CSMD3: variants seen among roughly 807,000 people sequenced by gnomAD.
CSMD3 encodes the protein CUB and sushi domain-containing protein 3.
CSMD3 carries 177 observed loss-of-function variants against 435.2 expected under a neutral mutation model. The observed-to-expected ratio is 0.41, with a 90% CI of 0.36 to 0.46. The LOEUF (loss-of-function observed/expected upper bound fraction) is 0.46, where lower values mean the gene tolerates loss of function less well. Among genes scored for constraint, CSMD3 ranks in the 20% least tolerant of loss-of-function variants. CSMD3 has a pLI of 0.34. For synonymous variants in CSMD3, 1,656 were observed against 1,520.5 expected, an observed-to-expected ratio of 1.09 and a Z score of -2.07; for missense variants, 4,265 against 4,504.6, an observed-to-expected ratio of 0.95 and a Z score of 1.52.
At chr8:113,118,195 T>C (rs1564335370) in intron 4 of CSMD3, among the ~76,000 whole-genome samples, 1 of 152,244 alleles carries the variant, frequency 6.6e-6, no homozygotes, top group Non-Finnish European at 1.5e-5. Flanking sequence ...TTGTCTCATT[T>C]GACTTTAGAA....
chr8:113,360,350 G>A (rs1354703749), intron 1 of CSMD3, among the ~76,000 whole-genome samples: 1 of 152,026 alleles, frequency 6.6e-6, no homozygotes, highest in Non-Finnish European at 1.5e-5. Context: ...GTATAAGGAA[G>A]GGGTATAATA....
chr8:112,669,022 A>G (rs1442439199), intron 16 of CSMD3, among the ~76,000 whole-genome samples: 1 of 151,736 alleles, frequency 6.6e-6, no homozygotes, highest in Non-Finnish European at 1.5e-5. Context: ...TATTATTATT[A>G]TTATTATGTA....
chr8:112,916,988 T>C (rs1176605020), intron 10 of CSMD3, among the ~76,000 whole-genome samples: 1 of 151,858 alleles, frequency 6.6e-6, no homozygotes, highest in Non-Finnish European at 1.5e-5. Context: ...TTAGTGAGGG[T>C]CGCAGCTCTT....
At chr8:112,910,061 T>A (rs1266734259) in intron 10 of CSMD3, among the ~76,000 whole-genome samples, 2 of 151,750 alleles carry the variant, frequency 1.3e-5, no homozygotes, top group African/African-American at 2.4e-5. Flanking sequence ...AGAGTGTCAT[T>A]TTAAGTTGTT....
chr8:112,446,660 C>G (rs138504722), intron 32 of CSMD3, among the ~76,000 whole-genome samples: 137 of 152,266 alleles, frequency 9.0e-4, no homozygotes, highest in African/African-American at 3.2e-3. Context: ...TTTTTGTACA[C>G]TTTTGGTCTT....
chr8:113,368,371 T>C (rs972076519), intron 1 of CSMD3, among the ~76,000 whole-genome samples: 3 of 152,160 alleles, frequency 2.0e-5, no homozygotes, highest in African/African-American at 7.2e-5. Flanking sequence ...TTTGAATTAC[T>C]AGACTTATCA....
At position 112,287,053 on chromosome 8, in the gene CSMD3, C is replaced by A. The variant is rs766870832; in HGVS notation, c.9331+11G>T. The A allele has an allele frequency of 7.5e-6, 12 of 1,610,128 alleles. No individual in the cohort carries two copies. The highest frequency in any genetic ancestry group is 5.9e-6 in the Non-Finnish European group (7 of 1,176,656). On this transcript the variant is annotated intron_variant, in intron 58 of 70. Coordinates refer to ENST00000297405, the MANE Select transcript of CSMD3 (RefSeq NM_198123.2). ...GTAGTTGCAATATATTTAATTTCTG[C>A]TTGAGATTACCTTTGCACTCTGGCT...
At chr8:112,624,201 C>T (rs2131529985) in intron 22 of CSMD3, among the ~76,000 whole-genome samples, 1 of 152,028 alleles carries the variant, frequency 6.6e-6, no homozygotes, top group African/African-American at 2.4e-5. Flanking sequence ...ATGTAGAATG[C>T]TTATAACTAG....
At chr8:112,579,620 C>T (rs7386290) in intron 23 of CSMD3, among the ~76,000 whole-genome samples, 152,086 of 152,096 alleles carry the variant, frequency 1, 76,038 homozygotes, top group Non-Finnish European at 1. Flanking sequence ...TAATTTTTGG[C>T]ACTGGCTATG....
At chr8:113,361,797 T>C (rs1379460204) in intron 1 of CSMD3, among the ~76,000 whole-genome samples, 2 of 152,158 alleles carry the variant, frequency 1.3e-5, no homozygotes, top group Non-Finnish European at 2.9e-5. Context: ...CAATTTATAA[T>C]ATAAATCATA....
chr8:112,514,761 C>T (rs953602529), intron 28 of CSMD3, among the ~76,000 whole-genome samples: 3 of 151,952 alleles, frequency 2.0e-5, no homozygotes, highest in Admixed American at 6.6e-5. Flanking sequence ...CTTTATGCTT[C>T]GGGGTCTTAG....
chr8:112,961,797 C>T (rs2084239980), intron 7 of CSMD3, among the ~76,000 whole-genome samples: 1 of 151,812 alleles, frequency 6.6e-6, no homozygotes. Flanking sequence ...TTTCTTTCTT[C>T]CTAGAAATGG....
chr8:112,989,681 C>G (rs2085381525), intron 6 of CSMD3, among the ~76,000 whole-genome samples: 1 of 151,912 alleles, frequency 6.6e-6, no homozygotes, highest in Non-Finnish European at 1.5e-5. Flanking sequence ...TATTTCCCAC[C>G]CACTTGGGTA....
At chr8:113,202,867 G>C (rs937950116) in intron 3 of CSMD3, among the ~76,000 whole-genome samples, 5 of 152,100 alleles carry the variant, frequency 3.3e-5, no homozygotes, top group Admixed American at 2.0e-4. Flanking sequence ...ACGTACACTT[G>C]AATCAATTTC....
At chr8:113,251,970 G>A (rs1291498070) in intron 3 of CSMD3, among the ~76,000 whole-genome samples, 1 of 152,054 alleles carries the variant, frequency 6.6e-6, no homozygotes, top group Non-Finnish European at 1.5e-5. Flanking sequence ...AAAATTTGAT[G>A]TCTAACCAGC....
intron 3 of CSMD3, among the ~76,000 whole-genome samples, chr8:113,255,544 C>T (rs75545659): frequency 0.033 from 5,021 of 151,972 alleles, 106 homozygotes; most frequent in Middle Eastern, 0.061. Context: ...AATGTTGCAA[C>T]TCTGAGTTGT....
rs557128971 is a variant in CSMD3 at position 113,044,120 on chromosome 8, A to T, written c.918-24941T>A. 4.6e-5 allele frequency among the ~76,000 whole-genome samples: 7 copies of T among 152,188 alleles called. No homozygotes were observed. In the East Asian group the frequency reaches 9.6e-4, roughly 21 times the overall value. The stretch of plus-strand genomic sequence containing the variant: ...ATAACAAGAGTGTTTCCATCACTAA[A>T]TTCTTCTTGAAAAGATGAAGAAATG... On this transcript the variant is annotated intron_variant, in intron 5 of 70. Coordinates refer to ENST00000297405, the MANE Select transcript of CSMD3 (RefSeq NM_198123.2).
At chr8:112,332,418 G>A (rs534479097) in intron 45 of CSMD3, among the ~76,000 whole-genome samples, 1 of 152,236 alleles carries the variant, frequency 6.6e-6, no homozygotes, top group East Asian at 1.9e-4. Context: ...AGTTCAGGAG[G>A]CAGTGAGAAA....
At chr8:113,078,558 C>T (rs1453977016) in intron 5 of CSMD3, among the ~76,000 whole-genome samples, 2 of 152,128 alleles carry the variant, frequency 1.3e-5, no homozygotes, top group African/African-American at 4.8e-5. Flanking sequence ...TGTATCATGA[C>T]TTTATTTGGA....
Sources: gnomAD v4.1 joint callset for allele counts (sites outside exome capture counted in the v4.1 genomes callset) on GRCh38, gnomAD v4.1.1 for gene constraint, MANE v1.5 for transcripts, NCBI Gene and HGNC (gene_info 2026-07-23, HGNC 2026-07-21) for gene names.